The following ARHGAP24 variants were observed in gnomAD, a reference collection of about 807,000 sequenced individuals.
ARHGAP24 encodes the protein Rho GTPase activating protein 24, also known as rho GTPase-activating protein 24.
ARHGAP24 carries 50 observed loss-of-function variants against 76.4 expected under a neutral mutation model. That is an observed-to-expected ratio of 0.65 (90% confidence interval 0.52 to 0.83). The LOEUF is 0.83. ARHGAP24 is among the 40% of genes least tolerant of loss of function. ARHGAP24 has a pLI of 0.00. For synonymous variants in ARHGAP24, 345 were observed against 323.3 expected (o/e 1.07, Z -0.72); for missense variants, 930 against 914.2 (o/e 1.02, Z -0.22).
intron 3 of ARHGAP24, among the ~76,000 whole-genome samples, chr4:85,856,563 C>A (rs556549511): frequency 1.3e-5 from 2 of 150,258 alleles, no homozygotes; most frequent in African/African-American, 2.4e-5. Flanking sequence ...CTCTAACTCC[C>A]AGGTTCAAGC....
At chr4:85,752,090 A>G (rs1045938839) in intron 3 of ARHGAP24, among the ~76,000 whole-genome samples, 8 of 152,120 alleles carry the variant, frequency 5.3e-5, no homozygotes, top group Non-Finnish European at 1.0e-4. Context: ...AAGCATTAAC[A>G]TGCATCTGGA....
chr4:85,695,841 A>C (rs963690501), intron 2 of ARHGAP24, among the ~76,000 whole-genome samples: 1 of 152,180 alleles, frequency 6.6e-6, no homozygotes, highest in African/African-American at 2.4e-5. Flanking sequence ...TCCTATCTCA[A>C]ATCCACAGTA....
intron 2 of ARHGAP24, among the ~76,000 whole-genome samples, chr4:85,669,252 A>T (rs1299812061): frequency 6.6e-6 from 1 of 152,060 alleles, no homozygotes; most frequent in Non-Finnish European, 1.5e-5. Context: ...GAGAAACAAC[A>T]TGATGTTATG....
chr4:85,950,516 A>G (rs1737548696), intron 5 of ARHGAP24, among the ~76,000 whole-genome samples: 1 of 152,114 alleles, frequency 6.6e-6, no homozygotes, highest in Admixed American at 6.5e-5. Context: ...ATAAAAAATT[A>G]AAATTAAATA....
chr4:85,942,330 G>A, intron 5 of ARHGAP24, 57 bp downstream of exon 5: 8 of 1,576,928 alleles, frequency 5.1e-6, no homozygotes, highest in Admixed American at 1.7e-5. Context: ...TCAACTGACA[G>A]GATGCAGTGA....
chr4:85,937,893 C>A (rs776958092), intron 4 of ARHGAP24, among the ~76,000 whole-genome samples: 26 of 152,100 alleles, frequency 1.7e-4, no homozygotes, highest in Non-Finnish European at 3.8e-4. Context: ...AATTGAGGAG[C>A]AAAGAGAATA....
At chr4:85,644,426 G>A (rs1721643370) in intron 2 of ARHGAP24, among the ~76,000 whole-genome samples, 1 of 152,092 alleles carries the variant, frequency 6.6e-6, no homozygotes, top group South Asian at 2.1e-4. Flanking sequence ...AAACAAAAGA[G>A]TAATACCATA....
chr4:85,839,250 A>C (rs902511232), intron 3 of ARHGAP24, among the ~76,000 whole-genome samples: 1 of 152,228 alleles, frequency 6.6e-6, no homozygotes, highest in Non-Finnish European at 1.5e-5. Flanking sequence ...CTTGCTCCAA[A>C]GTACGTTTCT....
chr4:85,675,665 A>G (rs936095940), intron 2 of ARHGAP24, among the ~76,000 whole-genome samples: 4 of 152,232 alleles, frequency 2.6e-5, no homozygotes, highest in Non-Finnish European at 4.4e-5. Context: ...CATTGAGCCT[A>G]TGGAGTCATT....
At chr4:85,775,678 A>G (rs940412332) in intron 3 of ARHGAP24, among the ~76,000 whole-genome samples, 1 of 152,204 alleles carries the variant, frequency 6.6e-6, no homozygotes, top group African/African-American at 2.4e-5. Flanking sequence ...CAGCCAAACC[A>G]TATCAGTAGG....
intron 1 of ARHGAP24, among the ~76,000 whole-genome samples, chr4:85,482,790 G>C (rs1294623271): frequency 6.6e-6 from 1 of 152,166 alleles, no homozygotes; most frequent in African/African-American, 2.4e-5. Flanking sequence ...TCCTACATGA[G>C]CCCTATCTCT....
rs1478405546 is a variant in ARHGAP24 at position 85,625,600 on chromosome 4, G to T, written c.180+54879G>T. 2.6e-5 allele frequency among the ~76,000 whole-genome samples: 4 copies of T among 152,286 alleles called. No homozygotes were observed. In the East Asian group the frequency reaches 5.8e-4, roughly 22 times the overall value. On this transcript the variant is annotated intron_variant, in intron 2 of 9. Transcript: ENST00000395184. Reference sequence around the variant, plus strand: ...ATGTCTATTAGGTCTGCTTGGTGCAGAGCTGAGTTCAATTCCTGGATATCC... The same window carrying T: ...ATGTCTATTAGGTCTGCTTGGTGCATAGCTGAGTTCAATTCCTGGATATCC...
At chr4:85,570,212 GT>G (rs764463749) in intron 1 of ARHGAP24, among the ~76,000 whole-genome samples, 3 of 152,102 alleles carry the variant, frequency 2.0e-5, no homozygotes, top group Non-Finnish European at 4.4e-5. Context: ...TGTGGTTTGT[GT>G]CTAGAAATTT....
intron 2 of ARHGAP24, among the ~76,000 whole-genome samples, chr4:85,694,468 C>A (rs6531852): frequency 0.64 from 97,673 of 151,972 alleles, 33,772 homozygotes; most frequent in Non-Finnish European, 0.79. Context: ...GCATCTAGAG[C>A]AGCACAATCA....
intron 2 of ARHGAP24, among the ~76,000 whole-genome samples, chr4:85,629,807 T>C (rs1721101139): frequency 6.6e-6 from 1 of 152,188 alleles, no homozygotes; most frequent in African/African-American, 2.4e-5. Flanking sequence ...GATTATAATA[T>C]GTCTCAGTGA....
intron 3 of ARHGAP24, among the ~76,000 whole-genome samples, chr4:85,751,711 A>G (rs760802782): frequency 2.6e-5 from 4 of 152,246 alleles, no homozygotes; most frequent in Non-Finnish European, 4.4e-5. Flanking sequence ...ATTTCCCTTC[A>G]GGATTGTTCC....
At chr4:85,713,713 C>A (rs1724619814) in intron 2 of ARHGAP24, among the ~76,000 whole-genome samples, 1 of 152,080 alleles carries the variant, frequency 6.6e-6, no homozygotes, top group African/African-American at 2.4e-5. Flanking sequence ...ACATAGTAAA[C>A]CTCTGTAGAT....
At chr4:85,915,025 A>G (rs1735299370) in intron 3 of ARHGAP24, among the ~76,000 whole-genome samples, 2 of 152,228 alleles carry the variant, frequency 1.3e-5, no homozygotes, top group Admixed American at 6.5e-5. Context: ...CTCTGCCAAG[A>G]AAATGTTCTA....
intron 3 of ARHGAP24, among the ~76,000 whole-genome samples, chr4:85,742,755 T>A (rs1018362903): frequency 6.6e-6 from 1 of 152,214 alleles, no homozygotes; most frequent in Non-Finnish European, 1.5e-5. Context: ...TGTTTTCAAG[T>A]TTTTTAAAAT....
Sources: allele counts gnomAD v4.1 joint callset (sites outside exome capture counted in the v4.1 genomes callset), GRCh38; gene constraint gnomAD v4.1.1; transcripts MANE v1.5; gene names NCBI Gene and HGNC (gene_info 2026-07-23, HGNC 2026-07-21).